SNRPN: variants seen among roughly 807,000 people sequenced by gnomAD.
The protein encoded by SNRPN is small nuclear ribonucleoprotein polypeptide N.
SNRPN carries 7 observed loss-of-function variants against 25.2 expected under a neutral mutation model. That is an observed-to-expected ratio of 0.28 (90% CI 0.16 to 0.52). SNRPN has a LOEUF of 0.52. SNRPN is among the 20% of genes least tolerant of loss of function. SNRPN has a pLI of 0.96. For synonymous variants in SNRPN, 124 were observed against 110.6 expected, an observed-to-expected ratio of 1.12 and a Z score of -0.76; for missense variants, 196 against 322.5, an observed-to-expected ratio of 0.61 and a Z score of 3.00.
chr15:24,848,213 G>GGGGGGCGGGGGCGGGGGC (rs1490995911), intron 2 of SNRPN: 1 of 110,888 alleles, frequency 9.0e-6, no homozygotes, highest in Admixed American at 9.3e-5. Flanking sequence ...GGACGGAGCT[G>GGGGGGCGGGGGCGGGGGC]GGGGGCGGGG....
chr15:24,830,089 C>T (rs909728183), intron 2 of SNRPN, among the ~76,000 whole-genome samples: 1 of 152,086 alleles, frequency 6.6e-6, no homozygotes, highest in Non-Finnish European at 1.5e-5. Context: ...ACAATTTTCT[C>T]ATGTTTTTCA....
chr15:24,825,467 C>T (rs763647348), intron 1 of SNRPN, among the ~76,000 whole-genome samples: 48 of 152,140 alleles, frequency 3.2e-4, no homozygotes, highest in Non-Finnish European at 5.9e-4. Context: ...GCGTTCTGTT[C>T]TGATAAATGG....
At chr15:24,854,711 T>G (rs534594207), upstream of SNRPN, among the ~76,000 whole-genome samples, 4 of 152,344 alleles carry the variant, frequency 2.6e-5, no homozygotes, top group East Asian at 7.7e-4. Flanking sequence ...CGACTATTAA[T>G]TCTAGCCCAG....
intron 3 of SNRPN, chr15:24,968,708 T>C (rs960870784): frequency 6.6e-6 from 1 of 152,214 alleles, no homozygotes; most frequent in African/African-American, 2.4e-5. Flanking sequence ...CTAAATACTT[T>C]CTCATGCTTA....
chr15:24,831,548 C>A (rs1007291426), intron 2 of SNRPN, among the ~76,000 whole-genome samples: 1 of 151,938 alleles, frequency 6.6e-6, no homozygotes, highest in Non-Finnish European at 1.5e-5. Context: ...ACTATAGTTA[C>A]CATGTTGTAC....
At chr15:24,834,722 T>TCTCTCC (rs1363964458) in intron 2 of SNRPN, among the ~76,000 whole-genome samples, 3 of 65,056 alleles carry the variant, frequency 4.6e-5, no homozygotes, top group Non-Finnish European at 9.0e-5. Context: ...CTTGTCTCTC[T>TCTCTCC]CTCTCCCTCT....
chr15:24,917,217 T>G (rs2059581604), intron 2 of SNRPN, among the ~76,000 whole-genome samples: 1 of 152,212 alleles, frequency 6.6e-6, no homozygotes, highest in South Asian at 2.1e-4. Context: ...CAGAATCAGC[T>G]TTTAAAGGCC....
chr15:24,881,525 C>CCAT (rs199677277), intron 1 of SNRPN, among the ~76,000 whole-genome samples: 30,650 of 88,268 alleles, frequency 0.35, 4,324 homozygotes, highest in East Asian at 0.53. Flanking sequence ...GAGCGAAACT[C>CCAT]CGAGAGAGAG....
chr15:24,961,640 G>T lies in SNRPN; in HGVS notation c.-390-474G>T, dbSNP rs192610357. 1.4e-4 allele frequency among the ~76,000 whole-genome samples: 21 copies of T among 151,672 alleles called. No homozygotes were observed. The East Asian group carries it at 2.5e-3, about 18-fold the overall frequency. On this transcript the variant is annotated intron_variant, in intron 1 of 9. Transcript: ENST00000390687. ...GCAAATCCTAAAGAAAGCACCATTT[G>T]CATGTTTTTTTAAAGTAGATATTTT...
At position 24,873,064 on chromosome 15, in the gene SNRPN, A is replaced by G. The variant is rs147023726; in HGVS notation, c.-578-13452A>G. On this transcript the variant is annotated intron_variant, in intron 1 of 11. Transcript: ENST00000400097. ...ACTTTATATTGTTTAGAAATCCCAT[A>G]ATCCAACTTTGTTCTGCTTCTCATT... Among the ~76,000 whole-genome samples, 81 of 120,432 alleles carry G rather than the reference A, an allele frequency of 6.7e-4. 27 individuals carry two copies. In the East Asian group the frequency reaches 0.023, roughly 35 times the overall value. The allele number at this position is 120,432 out of a possible 152,430, so 79.0% of individuals were successfully genotyped here. A position where few individuals can be genotyped will look rare whatever the true frequency, so the allele number is the denominator to read the frequency against.
At chr15:24,886,478 T>G (rs1204602031) in intron 1 of SNRPN, 1 of 152,112 alleles carries the variant, frequency 6.6e-6, no homozygotes, top group Non-Finnish European at 1.5e-5. Flanking sequence ...TTACTATGCA[T>G]TAACACGTAT....
chr15:24,967,606 C>G (rs2075829176), intron 2 of SNRPN, among the ~76,000 whole-genome samples: 1 of 150,950 alleles, frequency 6.6e-6, no homozygotes, highest in Non-Finnish European at 1.5e-5. Context: ...CGTGCCACTG[C>G]ACTCCAGCCT....
intron 2 of SNRPN, among the ~76,000 whole-genome samples, chr15:24,906,046 T>A (rs1047532975): frequency 6.6e-6 from 1 of 152,236 alleles, no homozygotes; most frequent in African/African-American, 2.4e-5. Context: ...CAAATGTAGT[T>A]ACTAAAAGTA....
chr15:24,883,963 G>T (rs1211274119), intron 1 of SNRPN, among the ~76,000 whole-genome samples: 2 of 142,872 alleles, frequency 1.4e-5, no homozygotes, highest in Non-Finnish European at 3.0e-5. Context: ...CTGAGATCGT[G>T]TCACTGCACT....
At chr15:24,875,458 C>T (rs926832169) in intron 1 of SNRPN, among the ~76,000 whole-genome samples, 2 of 152,118 alleles carry the variant, frequency 1.3e-5, no homozygotes, top group African/African-American at 4.8e-5. Context: ...TACATTAAAT[C>T]GTTTTTAAGT....
chr15:24,927,207 A>G (rs752495959), intron 3 of SNRPN, among the ~76,000 whole-genome samples: 4 of 151,548 alleles, frequency 2.6e-5, no homozygotes, highest in Non-Finnish European at 5.9e-5. Context: ...TGGCATTTCA[A>G]ACTCCTGGGT....
intron 2 of SNRPN, chr15:24,909,536 G>A (rs1390719241): frequency 6.8e-7 from 1 of 1,474,346 alleles, no homozygotes; most frequent in Non-Finnish European, 9.4e-7. Flanking sequence ...ATATGCTGCA[G>A]CATAATTTGT....
intron 1 of SNRPN, among the ~76,000 whole-genome samples, chr15:24,873,946 C>T (rs2055535298): frequency 1.3e-5 from 2 of 151,344 alleles, no homozygotes; most frequent in Admixed American, 1.3e-4. Flanking sequence ...CAAGAAACCT[C>T]GCACCTCCCA....
rs373873253 is a variant in SNRPN at position 24,857,064 on chromosome 15, A to C, written c.-579+348A>C. Among the ~76,000 whole-genome samples, 3 of 152,180 alleles carry C rather than the reference A, an allele frequency of 2.0e-5. No individual in the cohort carries two copies. The East Asian group carries it at 5.8e-4, about 29-fold the overall frequency. On this transcript the variant is annotated intron_variant, in intron 1 of 11. Transcript: ENST00000400097. Reference sequence around the variant, plus strand: ...AAGGAGAGGAACAAAATTTTATGTGAGGCACAAGATCACATATGCTCAGAA... The same window carrying C: ...AAGGAGAGGAACAAAATTTTATGTGCGGCACAAGATCACATATGCTCAGAA...
Sources: gnomAD v4.1 joint callset for allele counts (sites outside exome capture counted in the v4.1 genomes callset) on GRCh38, gnomAD v4.1.1 for gene constraint, MANE v1.5 for transcripts, NCBI Gene and HGNC (gene_info 2026-07-23, HGNC 2026-07-21) for gene names.